Variants in SH3GL2 observed in about 807,000 individuals in gnomAD.
SH3GL2 encodes endophilin-A1.
SH3GL2 carries 24 observed loss-of-function variants against 46.0 expected under a neutral mutation model. That is an observed-to-expected ratio of 0.52 (90% CI 0.38 to 0.73). SH3GL2 has a LOEUF of 0.73. Among genes scored for constraint, SH3GL2 ranks in the 30% least tolerant of loss-of-function variants. The probability of loss-of-function intolerance (pLI) is 0.00; values close to 1 mark genes in which losing one functional copy is unlikely to be tolerated. For synonymous variants in SH3GL2, 196 were observed against 147.1 expected (o/e 1.33, Z -2.40); for missense variants, 413 against 424.2 (o/e 0.97, Z 0.23).
intron 1 of SH3GL2, among the ~76,000 whole-genome samples, chr9:17,682,883 A>T (rs1312700821): frequency 3.3e-5 from 5 of 152,110 alleles, no homozygotes; most frequent in African/African-American, 1.2e-4. Flanking sequence ...CTTTTGTATT[A>T]TTGAAACCAA....
intron 1 of SH3GL2, among the ~76,000 whole-genome samples, chr9:17,690,549 T>A (rs1287500532): frequency 6.6e-6 from 1 of 152,074 alleles, no homozygotes; most frequent in Non-Finnish European, 1.5e-5. Flanking sequence ...AAAAATTATG[T>A]TGATGAGGCC....
intron 1 of SH3GL2, among the ~76,000 whole-genome samples, chr9:17,694,646 A>G (rs778878327): frequency 3.4e-4 from 51 of 152,178 alleles, no homozygotes; most frequent in Non-Finnish European, 6.3e-4. Context: ...TGTGAATGGT[A>G]TAAGTTGAGG....
intron 1 of SH3GL2, among the ~76,000 whole-genome samples, chr9:17,621,520 T>C (rs1819138182): frequency 6.6e-6 from 1 of 152,238 alleles, no homozygotes; most frequent in South Asian, 2.1e-4. Context: ...AATCAATGCC[T>C]GATTCATACA....
chr9:17,702,528 T>A (rs540650677), intron 1 of SH3GL2, among the ~76,000 whole-genome samples: 5 of 152,110 alleles, frequency 3.3e-5, no homozygotes, highest in Non-Finnish European at 7.4e-5. Context: ...ACCCTCTTGT[T>A]TCCATCTCCC....
chr9:17,643,634 C>G (rs1205803035), intron 1 of SH3GL2, among the ~76,000 whole-genome samples: 2 of 152,034 alleles, frequency 1.3e-5, no homozygotes, highest in Non-Finnish European at 2.9e-5. Flanking sequence ...ATGGATTACG[C>G]TTATTGATTT....
At chr9:17,711,318 C>G (rs1207705828) in intron 1 of SH3GL2, among the ~76,000 whole-genome samples, 1 of 151,848 alleles carries the variant, frequency 6.6e-6, no homozygotes, top group Non-Finnish European at 1.5e-5. Context: ...TTTATTGTGG[C>G]ATTCTTCACT....
intron 1 of SH3GL2, among the ~76,000 whole-genome samples, chr9:17,621,708 G>A (rs1346767559): frequency 6.6e-6 from 1 of 152,174 alleles, no homozygotes. Context: ...TAAAAGATGC[G>A]TGTTCTTCAG....
chr9:17,745,034 T>C (rs143514968), intron 1 of SH3GL2, among the ~76,000 whole-genome samples: 1 of 152,278 alleles, frequency 6.6e-6, no homozygotes, highest in Non-Finnish European at 1.5e-5. Context: ...CTAGGGGTTT[T>C]TCCTGGAAAA....
chr9:17,615,751 T>A (rs1818979525), intron 1 of SH3GL2, among the ~76,000 whole-genome samples: 1 of 149,956 alleles, frequency 6.7e-6, no homozygotes. Flanking sequence ...AAACCCACAC[T>A]ACTTAATTAC....
At chr9:17,732,468 C>T (rs1255868284) in intron 1 of SH3GL2, among the ~76,000 whole-genome samples, 1 of 152,134 alleles carries the variant, frequency 6.6e-6, no homozygotes, top group African/African-American at 2.4e-5. Context: ...ATCAGGCCTA[C>T]ATTAGGCACT....
At position 17,796,920 on chromosome 9, in the gene SH3GL2, T is replaced by A. The variant is rs1824286408; in HGVS notation, c.*1177T>A. The A allele has an allele frequency of 6.5e-6, 1 of 152,672 alleles. No individual in the cohort carries two copies. The highest frequency in any genetic ancestry group is 1.5e-5 in the Non-Finnish European group (1 of 68,060). The allele number at this position is 152,672 out of a possible 1,614,324, so 9.5% of individuals were successfully genotyped here. A position where few individuals can be genotyped will look rare whatever the true frequency, so the allele number is the denominator to read the frequency against. ...AAGCTTATCAGTGTGTTTTTTTATT[T>A]GTATCAGTCATGAAAGTCCTGTTAG... On this transcript the variant is annotated 3_prime_UTR_variant, in exon 9 of 9. Coordinates refer to ENST00000380607, the MANE Select transcript of SH3GL2 (RefSeq NM_003026.5).
At chr9:17,639,566 A>C (rs1172717706) in intron 1 of SH3GL2, among the ~76,000 whole-genome samples, 1 of 152,218 alleles carries the variant, frequency 6.6e-6, no homozygotes, top group African/African-American at 2.4e-5. Context: ...ACCTTTATAC[A>C]TTTTTGTTGG....
intron 1 of SH3GL2, among the ~76,000 whole-genome samples, chr9:17,682,649 T>G (rs569475251): frequency 2.0e-5 from 3 of 151,340 alleles, no homozygotes; most frequent in Non-Finnish European, 4.4e-5. Flanking sequence ...AACCTGCATA[T>G]TCTGCGTATG....
intron 1 of SH3GL2, among the ~76,000 whole-genome samples, chr9:17,663,558 G>A (rs892157029): frequency 1.3e-5 from 2 of 152,144 alleles, no homozygotes; most frequent in African/African-American, 2.4e-5. Context: ...TGACCACTCA[G>A]GGTTCTGAAA....
At chr9:17,724,981 C>A (rs1049188204) in intron 1 of SH3GL2, among the ~76,000 whole-genome samples, 1 of 152,110 alleles carries the variant, frequency 6.6e-6, no homozygotes, top group Non-Finnish European at 1.5e-5. Flanking sequence ...CCACAAGGCT[C>A]TAGTAGATAA....
intron 1 of SH3GL2, among the ~76,000 whole-genome samples, chr9:17,683,411 C>T (rs994707476): frequency 3.3e-5 from 5 of 152,004 alleles, no homozygotes; most frequent in African/African-American, 1.2e-4. Context: ...CCTTAAGCTC[C>T]TGGGGGAAGG....
At chr9:17,679,504 C>T (rs1820709089) in intron 1 of SH3GL2, among the ~76,000 whole-genome samples, 1 of 152,094 alleles carries the variant, frequency 6.6e-6, no homozygotes, top group East Asian at 1.9e-4. Context: ...GCTGAACTTG[C>T]TTATCAGCTT....
chr9:17,743,150 A>G (rs1327771141), intron 1 of SH3GL2, among the ~76,000 whole-genome samples: 2 of 152,216 alleles, frequency 1.3e-5, no homozygotes, highest in African/African-American at 2.4e-5. Flanking sequence ...CATAAAACAA[A>G]AGGAAGTTTT....
At chr9:17,647,682 C>G (rs973514634) in intron 1 of SH3GL2, among the ~76,000 whole-genome samples, 2 of 152,006 alleles carry the variant, frequency 1.3e-5, no homozygotes, top group African/African-American at 4.8e-5. Context: ...ATTATGGCCA[C>G]CGTAGAGGAG....
Sources: gnomAD v4.1 joint callset for allele counts (sites outside exome capture counted in the v4.1 genomes callset) on GRCh38, gnomAD v4.1.1 for gene constraint, MANE v1.5 for transcripts, NCBI Gene and HGNC (gene_info 2026-07-23, HGNC 2026-07-21) for gene names.